OSBPL10: variants seen among roughly 807,000 people sequenced by gnomAD.
OSBPL10 encodes oxysterol binding protein like 10, also known as oxysterol-binding protein-related protein 10.
Under a neutral mutation model 81.7 loss-of-function variants are expected in OSBPL10, and 49 were observed. The observed-to-expected ratio is 0.60, with a 90% CI of 0.48 to 0.76. The LOEUF is 0.76. Among genes scored for constraint, OSBPL10 ranks in the 30% least tolerant of loss-of-function variants. The probability of loss-of-function intolerance (pLI) is 0.00; values close to 1 mark genes in which losing one functional copy is unlikely to be tolerated. For missense variants in OSBPL10, 923 were observed against 987.8 expected, an observed-to-expected ratio of 0.93 and a Z score of 0.88; for synonymous variants, 419 against 383.6, an observed-to-expected ratio of 1.09 and a Z score of -1.08.
At chr3:32,074,382 A>T (rs1699857098) in intron 1 of OSBPL10, among the ~76,000 whole-genome samples, 1 of 152,122 alleles carries the variant, frequency 6.6e-6, no homozygotes, top group Admixed American at 6.6e-5. Flanking sequence ...GCCTACTGGA[A>T]TCCCTTTAGG....
intron 1 of OSBPL10, 62 bp from the exon 2 acceptor site, chr3:31,879,892 GA>G (rs1324352766): frequency 4.7e-6 from 7 of 1,498,044 alleles, no homozygotes; most frequent in Non-Finnish European, 6.2e-6. Context: ...CAGCAAAGCA[GA>G]AAAAAGCAAA....
At chr3:31,713,640 G>T (rs192559562) in intron 6 of OSBPL10, among the ~76,000 whole-genome samples, 1 of 151,848 alleles carries the variant, frequency 6.6e-6, no homozygotes, top group Admixed American at 6.6e-5. Context: ...CAAGTGATCC[G>T]CCCACCTCAT....
intron 4 of OSBPL10, chr3:31,794,390 G>T (rs757345768): frequency 1.3e-5 from 2 of 156,268 alleles, no homozygotes; most frequent in Non-Finnish European, 2.9e-5. Context: ...GACACCGCAG[G>T]CGATCCACCT....
intron 2 of OSBPL10, among the ~76,000 whole-genome samples, chr3:32,038,768 A>G (rs1699543379): frequency 6.6e-6 from 1 of 152,206 alleles, no homozygotes; most frequent in Non-Finnish European, 1.5e-5. Context: ...TGTTTGCACA[A>G]CTCAGTATGT....
intron 1 of OSBPL10, among the ~76,000 whole-genome samples, chr3:31,966,297 T>C (rs1482456412): frequency 6.6e-6 from 1 of 151,374 alleles, no homozygotes; most frequent in Non-Finnish European, 1.5e-5. Context: ...TCAAAATGTG[T>C]GAGTGCAACT....
intron 8 of OSBPL10, among the ~76,000 whole-genome samples, chr3:31,681,550 A>G (rs1353865298): frequency 1.3e-5 from 2 of 152,106 alleles, no homozygotes; most frequent in Non-Finnish European, 2.9e-5. Context: ...GACCTCCATG[A>G]TCCAAAATCC....
intron 1 of OSBPL10, among the ~76,000 whole-genome samples, chr3:32,047,970 C>A (rs1699638582): frequency 6.6e-6 from 1 of 151,834 alleles, no homozygotes; most frequent in South Asian, 2.1e-4. Context: ...CGGCCTACAA[C>A]CTGTTTTATC....
chr3:32,027,497 A>C (rs1699427725), intron 2 of OSBPL10, among the ~76,000 whole-genome samples: 1 of 152,048 alleles, frequency 6.6e-6, no homozygotes, highest in Admixed American at 6.5e-5. Flanking sequence ...GACTAGGAGC[A>C]AATAAGACAA....
At chr3:31,783,146 T>TATATATACACACACAC (rs1485968747) in intron 4 of OSBPL10, among the ~76,000 whole-genome samples, 1 of 113,036 alleles carries the variant, frequency 8.8e-6, no homozygotes, top group African/African-American at 3.8e-5. Context: ...TATATATATA[T>TATATATACACACACAC]ACACACACAC....
At chr3:31,980,607 T>C (rs1036340471) in intron 1 of OSBPL10, among the ~76,000 whole-genome samples, 1 of 152,202 alleles carries the variant, frequency 6.6e-6, no homozygotes, top group African/African-American at 2.4e-5. Flanking sequence ...ACGATCCTCC[T>C]GCCACCACTC....
chr3:31,994,308 C>A (rs1699065605), intron 2 of OSBPL10, among the ~76,000 whole-genome samples: 1 of 152,176 alleles, frequency 6.6e-6, no homozygotes, highest in African/African-American at 2.4e-5. Context: ...CTATAACTTA[C>A]TTGTGGCAGT....
At chr3:31,969,911 G>A (rs2125487849) in intron 1 of OSBPL10, among the ~76,000 whole-genome samples, 1 of 151,896 alleles carries the variant, frequency 6.6e-6, no homozygotes. Context: ...GAAAGGCCAT[G>A]GAGAGAAAGA....
At chr3:31,865,995 T>C (rs900831819) in intron 3 of OSBPL10, among the ~76,000 whole-genome samples, 1 of 152,156 alleles carries the variant, frequency 6.6e-6, no homozygotes, top group Non-Finnish European at 1.5e-5. Flanking sequence ...AGTCTACAGA[T>C]GTCACTGGGT....
At position 31,684,133 on chromosome 3, in the gene OSBPL10, A is replaced by G. The variant is rs765469620; in HGVS notation, c.1246-19T>C. ...GCACCACCTGCATTTGGAAGGACAC[A>G]AAGTCAGACAATCCCTGGGATTACA... On this transcript the variant is annotated intron_variant, in intron 7 of 11. Coordinates refer to ENST00000396556, the MANE Select transcript of OSBPL10 (RefSeq NM_017784.5). 1.2e-5 allele frequency: 19 copies of G among 1,608,534 alleles called. No homozygotes were observed. The South Asian group carries it at 1.9e-4, about 16-fold the overall frequency.
At chr3:31,877,253 T>C (rs2125633446) in intron 2 of OSBPL10, among the ~76,000 whole-genome samples, 1 of 152,286 alleles carries the variant, frequency 6.6e-6, no homozygotes, top group African/African-American at 2.4e-5. Context: ...GGCTGTATTG[T>C]GGTGTTATTA....
intron 2 of OSBPL10, among the ~76,000 whole-genome samples, chr3:32,025,683 A>T (rs1157039146): frequency 6.6e-6 from 1 of 152,136 alleles, no homozygotes. Context: ...AGGTCTATCA[A>T]GCTTTTCTAT....
chr3:31,822,028 G>A (rs769414079), intron 4 of OSBPL10: 5 of 152,214 alleles, frequency 3.3e-5, no homozygotes, highest in African/African-American at 7.2e-5. Flanking sequence ...AGGGTCTTCC[G>A]TATGTGTGTG....
intron 7 of OSBPL10, among the ~76,000 whole-genome samples, chr3:31,687,679 A>G (rs1484271319): frequency 1.3e-5 from 2 of 152,190 alleles, no homozygotes; most frequent in Admixed American, 1.3e-4. Context: ...CCCATGACAC[A>G]TCATGATTAT....
At chr3:31,771,641 T>C (rs555118058) in intron 4 of OSBPL10, among the ~76,000 whole-genome samples, 1 of 152,304 alleles carries the variant, frequency 6.6e-6, no homozygotes, top group Admixed American at 6.5e-5. Context: ...CCCTGTCACC[T>C]GGACCCATCT....
Sources: gnomAD v4.1 joint callset for allele counts (sites outside exome capture counted in the v4.1 genomes callset) on GRCh38, gnomAD v4.1.1 for gene constraint, MANE v1.5 for transcripts, NCBI Gene and HGNC (gene_info 2026-07-23, HGNC 2026-07-21) for gene names.